The following CDON variants were observed in gnomAD, a reference collection of about 807,000 sequenced individuals.
CDON encodes cell adhesion molecule-related/down-regulated by oncogenes.
CDON carries 73 observed loss-of-function variants against 120.9 expected under a neutral mutation model. That is an observed-to-expected ratio of 0.60 (90% CI 0.50 to 0.73). The LOEUF is 0.73. Ranked by LOEUF, CDON falls within the 30% of genes least tolerant of loss-of-function variation. The pLI, the probability that CDON is intolerant of heterozygous loss-of-function variation, is 0.00. For missense variants in CDON, 1,470 were observed against 1,587.3 expected, an observed-to-expected ratio of 0.93 and a Z score of 1.26; for synonymous variants, 566 against 573.5, an observed-to-expected ratio of 0.99 and a Z score of 0.19.
At chr11:125,989,785 C>T in intron 14 of CDON, 26 bp from the exon 15 acceptor site, 1 of 1,603,032 alleles carries the variant, frequency 6.2e-7, no homozygotes, top group Non-Finnish European at 8.5e-7. Flanking sequence ...AAAGGCTTTA[C>T]ACATCATACA....
At chr11:126,026,811 C>A (rs1017885422) in intron 1 of CDON, among the ~76,000 whole-genome samples, 4 of 152,186 alleles carry the variant, frequency 2.6e-5, no homozygotes, top group African/African-American at 9.7e-5. Flanking sequence ...GCAGTCAAGG[C>A]AAAGTAAACA....
chr11:126,018,466 G>C lies in CDON; in HGVS notation c.504C>G (p.Tyr168Ter). The change falls in exon 5 of 20, where the codon TAC becomes TAG. Residue 168 changes from tyrosine to a stop codon, truncating the protein, a stop_gained. Transcript: ENST00000531738. LOFTEE classifies it high-confidence loss of function. ...GKWLEHSTEN[Y>*]LILPSGNLQI... ...GAAGATTTCCTGATGGAAGGATTAA[G>C]TAATTCTCTGAGGAAGGAAGGGAGT... The C allele has an allele frequency of 6.2e-7, 1 of 1,613,682 alleles. No homozygotes were observed. The highest frequency in any genetic ancestry group is 8.5e-7 in the Non-Finnish European group (1 of 1,179,612).
rs151010854 is a variant in CDON, at chr11:125,998,209, G to A, written c.2159-799C>T. Among the ~76,000 whole-genome samples, 76 of 152,322 alleles carry A rather than the reference G, an allele frequency of 5.0e-4. 2 individuals carry two copies. Among genetic ancestry groups the A allele is most frequent in the Admixed American group, 7.8e-4 (12 of 15,302 alleles). On this transcript the variant is annotated intron_variant, in intron 11 of 19. Transcript: ENST00000531738. ...TAAGCTCATCAGCCATTGAAACCAT[G>A]TATCTAACTCTTCTTGATGACCAAG...
intron 18 of CDON, among the ~76,000 whole-genome samples, chr11:125,965,092 A>G (rs1190030330): frequency 6.6e-6 from 1 of 151,860 alleles, no homozygotes; most frequent in Non-Finnish European, 1.5e-5. Flanking sequence ...ACACCCAGCT[A>G]ATTTTTTGTG....
chr11:125,973,101 TTC>T (rs1232085983), intron 18 of CDON, among the ~76,000 whole-genome samples: 2 of 149,730 alleles, frequency 1.3e-5, no homozygotes, highest in African/African-American at 4.9e-5. Context: ...CTCAAAATTC[TTC>T]TCTTTCTCTC....
intron 1 of CDON, among the ~76,000 whole-genome samples, chr11:126,038,954 G>C (rs562975450): frequency 5.3e-5 from 8 of 152,306 alleles, no homozygotes; most frequent in Admixed American, 3.3e-4. Context: ...AGAGCCAACA[G>C]TAGTACTAAT....
At chr11:126,012,578 T>A (rs958704379) in intron 7 of CDON, among the ~76,000 whole-genome samples, 2 of 151,642 alleles carry the variant, frequency 1.3e-5, no homozygotes, top group African/African-American at 2.4e-5. Context: ...TTTTTTTTTT[T>A]TTTGTATTTT....
At chr11:125,981,645 T>C (rs181725908) in intron 16 of CDON, among the ~76,000 whole-genome samples, 91 of 152,322 alleles carry the variant, frequency 6.0e-4, no homozygotes, top group Non-Finnish European at 1.1e-3. Context: ...ATTATGATTC[T>C]GTTAACGGGA....
chr11:126,049,611 A>C (rs916411460), intron 1 of CDON, among the ~76,000 whole-genome samples: 1 of 152,226 alleles, frequency 6.6e-6, no homozygotes, highest in Non-Finnish European at 1.5e-5. Flanking sequence ...GCTATCATTA[A>C]ATGCCAAAAC....
chr11:126,059,006 C>G (rs1243406152), intron 1 of CDON, among the ~76,000 whole-genome samples: 1 of 152,090 alleles, frequency 6.6e-6, no homozygotes, highest in Non-Finnish European at 1.5e-5. Context: ...AATTAGAATT[C>G]TATAATAATA....
intron 1 of CDON, among the ~76,000 whole-genome samples, chr11:126,029,192 C>G (rs937903850): frequency 5.3e-5 from 8 of 152,104 alleles, no homozygotes; most frequent in African/African-American, 1.9e-4. Flanking sequence ...AACTTTCACT[C>G]TCTATTAGGG....
At chr11:126,051,229 C>T (rs1189186797) in intron 1 of CDON, among the ~76,000 whole-genome samples, 2 of 152,126 alleles carry the variant, frequency 1.3e-5, no homozygotes, top group East Asian at 1.9e-4. Flanking sequence ...GCTAAGGAAA[C>T]GTGAATCTAG....
chr11:125,972,359 C>T (rs780274482), intron 18 of CDON, among the ~76,000 whole-genome samples: 4 of 151,808 alleles, frequency 2.6e-5, no homozygotes, highest in African/African-American at 7.3e-5. Context: ...ACCCAGGAAG[C>T]GGCGTTGCAG....
chr11:125,964,403 G>A (rs1245176978), intron 18 of CDON, among the ~76,000 whole-genome samples: 1 of 152,204 alleles, frequency 6.6e-6, no homozygotes, highest in Non-Finnish European at 1.5e-5. Context: ...TACAAAGACT[G>A]CAACTCAGGA....
intron 7 of CDON, among the ~76,000 whole-genome samples, chr11:126,011,921 A>G (rs1025378057): frequency 1.3e-5 from 2 of 152,200 alleles, no homozygotes; most frequent in Non-Finnish European, 2.9e-5. Flanking sequence ...GCTGATAACA[A>G]TTATCCCACA....
At chr11:125,996,608 G>A (rs371568655) in intron 12 of CDON, among the ~76,000 whole-genome samples, 1 of 143,624 alleles carries the variant, frequency 7.0e-6, no homozygotes, top group East Asian at 2.2e-4. Context: ...GCTGAGGCAG[G>A]AGAATCGCTT....
chr11:126,007,964 A>G (rs1307690314), intron 8 of CDON, among the ~76,000 whole-genome samples: 3 of 152,204 alleles, frequency 2.0e-5, no homozygotes, highest in African/African-American at 7.2e-5. Context: ...GAATCGGAAA[A>G]GAGATTGATG....
Position 126,034,752 on chromosome 11 carries a change from G to A in CDON, c.-61-11215C>T, listed in dbSNP as rs1221154191. On this transcript the variant is annotated intron_variant, in intron 1 of 19. Coordinates refer to ENST00000531738, the MANE Select transcript of CDON (RefSeq NM_001378964.1). This position sits in a 1 kb window ranked among gnomAD's most constrained non-coding sequence, Gnocchi z 4.5. ...GAGATTATTAAAAAGACAAAATATA[G>A]AAAATTTCAAGGGGATTATTTTGCA... Among the ~76,000 whole-genome samples, 7 of 152,218 alleles carry A rather than the reference G, an allele frequency of 4.6e-5. 1 individual carries two copies. The East Asian group carries it at 1.3e-3, about 29-fold the overall frequency.
At chr11:125,978,283 G>A (rs1212297004) in intron 18 of CDON, 21 bp downstream of exon 18, 5 of 1,411,590 alleles carry the variant, frequency 3.5e-6, no homozygotes, top group Non-Finnish European at 5.0e-6. Context: ...AACAGCTTGT[G>A]CAGACACATT....
Sources: gnomAD v4.1 joint callset for allele counts (sites outside exome capture counted in the v4.1 genomes callset) on GRCh38, gnomAD v4.1.1 for gene constraint, Gnocchi (gnomAD v3.1) non-coding constraint, MANE v1.5 for transcripts, NCBI Gene and HGNC (gene_info 2026-07-23, HGNC 2026-07-21) for gene names.